SESTD1: variants seen among roughly 807,000 people sequenced by gnomAD.
SESTD1 encodes the protein SEC14 domain and spectrin repeat-containing protein 1.
In SESTD1, 43 loss-of-function variants were observed where a neutral mutation model predicts 101.7. That is an observed-to-expected ratio of 0.42 (90% confidence interval 0.33 to 0.55). SESTD1 has a LOEUF of 0.55. SESTD1 is among the 20% of genes least tolerant of loss of function. SESTD1 has a pLI of 0.07. For synonymous variants in SESTD1, 283 were observed against 286.8 expected, an observed-to-expected ratio of 0.99 and a Z score of 0.13; for missense variants, 647 against 815.1, an observed-to-expected ratio of 0.79 and a Z score of 2.51.
chr2:179,112,905 G>C, intron 16 of SESTD1, 60 bp from the exon 17 acceptor site: 2 of 1,526,632 alleles, frequency 1.3e-6, no homozygotes, highest in Non-Finnish European at 1.7e-6. Context: ...CAGTTTCAGA[G>C]GATCACCCCA....
At chr2:179,230,424 C>T (rs2105537493) in intron 1 of SESTD1, among the ~76,000 whole-genome samples, 1 of 152,178 alleles carries the variant, frequency 6.6e-6, no homozygotes, top group East Asian at 1.9e-4. Flanking sequence ...ACATGAGCCA[C>T]TGCACCCGGC....
chr2:179,186,944 G>A (rs2105491938), intron 2 of SESTD1, among the ~76,000 whole-genome samples: 1 of 152,190 alleles, frequency 6.6e-6, no homozygotes, highest in East Asian at 1.9e-4. Context: ...AACATTATAA[G>A]CCAAAAGAGA....
At chr2:179,247,833 A>G (rs1307440349) in intron 1 of SESTD1, among the ~76,000 whole-genome samples, 2 of 152,162 alleles carry the variant, frequency 1.3e-5, no homozygotes, top group East Asian at 1.9e-4. Context: ...AGAAATTTAC[A>G]CTACCTAAGA....
intron 1 of SESTD1, among the ~76,000 whole-genome samples, chr2:179,220,326 G>C (rs925026243): frequency 2.1e-4 from 32 of 152,000 alleles, no homozygotes; most frequent in African/African-American, 7.5e-4. Context: ...AAAATCTTTG[G>C]CTCTTCTTAA....
chr2:179,255,253 G>A (rs924874681), intron 1 of SESTD1, among the ~76,000 whole-genome samples: 6 of 152,172 alleles, frequency 3.9e-5, no homozygotes, highest in Non-Finnish European at 8.8e-5. Flanking sequence ...AGCTAGAAAT[G>A]ATTAAGCTTA....
At chr2:179,192,288 G>A (rs933925389) in intron 1 of SESTD1, among the ~76,000 whole-genome samples, 1 of 152,116 alleles carries the variant, frequency 6.6e-6, no homozygotes, top group Non-Finnish European at 1.5e-5. Context: ...ATCTTCCTTT[G>A]TGTTCCTTAT....
chr2:179,237,319 C>T (rs375915952), intron 1 of SESTD1, among the ~76,000 whole-genome samples: 3 of 152,036 alleles, frequency 2.0e-5, no homozygotes, highest in African/African-American at 7.2e-5. Context: ...TTTAATACCC[C>T]ATTCTCCTGG....
At chr2:179,169,392 C>T (rs2045891759) in intron 5 of SESTD1, among the ~76,000 whole-genome samples, 1 of 151,944 alleles carries the variant, frequency 6.6e-6, no homozygotes, top group Admixed American at 6.6e-5. Context: ...ACCAAGAAGA[C>T]ATAGCTATCC....
chr2:179,169,158 T>C (rs1054184336), intron 5 of SESTD1, among the ~76,000 whole-genome samples: 2 of 152,094 alleles, frequency 1.3e-5, no homozygotes, highest in Non-Finnish European at 2.9e-5. Context: ...AAGACAGAGA[T>C]TGTTAAACTG....
At chr2:179,156,103 T>A (rs1032652515) in intron 5 of SESTD1, among the ~76,000 whole-genome samples, 10 of 150,232 alleles carry the variant, frequency 6.7e-5, no homozygotes, top group African/African-American at 2.5e-4. Context: ...TATTCCATCA[T>A]ACGTGTATAT....
chr2:179,114,994 C>T (rs1181200085), intron 16 of SESTD1, 71 bp downstream of exon 16: 2 of 1,316,614 alleles, frequency 1.5e-6, no homozygotes, highest in Non-Finnish European at 2.1e-6. Flanking sequence ...AGTTACATTA[C>T]TAAAATTAAC....
At chr2:179,150,339 A>G (rs1018085995) in intron 6 of SESTD1, among the ~76,000 whole-genome samples, 5 of 152,096 alleles carry the variant, frequency 3.3e-5, no homozygotes, top group African/African-American at 1.2e-4. Flanking sequence ...TTGTTCTTTC[A>G]GTAGTTCAAT....
chr2:179,144,314 G>A (rs1433201747), intron 8 of SESTD1, among the ~76,000 whole-genome samples: 10 of 151,824 alleles, frequency 6.6e-5, no homozygotes, highest in Admixed American at 6.6e-4. Context: ...AAAGGTGACA[G>A]TATAATAAAT....
rs2044292491 is a variant in SESTD1 at position 179,102,476 on chromosome 2, T to C, written c.*7423A>G. On this transcript the variant is annotated 3_prime_UTR_variant, in exon 18 of 18. Coordinates refer to ENST00000428443, the MANE Select transcript of SESTD1 (RefSeq NM_178123.5). Reference sequence around the variant, plus strand: ...CAGAAATCAAACTTATTGTCCAAAGTGACAATATATCAAAGAAATACATAC... The same window carrying C: ...CAGAAATCAAACTTATTGTCCAAAGCGACAATATATCAAAGAAATACATAC... 1 of 152,064 alleles carries C rather than the reference T, an allele frequency of 6.6e-6. No individual in the cohort carries two copies. Among genetic ancestry groups the C allele is most frequent in the Non-Finnish European group, 1.5e-5 (1 of 68,018 alleles). 9.4% of individuals were successfully genotyped at this position (152,064 alleles called of 1,614,324 possible). A position where few individuals can be genotyped will look rare whatever the true frequency, so the allele number is the denominator to read the frequency against.
At position 179,203,589 on chromosome 2, in the gene SESTD1, T is replaced by C. The variant is rs1182537831; in HGVS notation, c.-25-11723A>G. Reference sequence around the variant, plus strand: ...TTCTATAGGCTGCTCCTGAGTTGTATCCTTTATAATAGTCCAGTAATCATA... The same window carrying C: ...TTCTATAGGCTGCTCCTGAGTTGTACCCTTTATAATAGTCCAGTAATCATA... On this transcript the variant is annotated intron_variant, in intron 1 of 17. Transcript: ENST00000428443. Among the ~76,000 whole-genome samples the C allele has an allele frequency of 4.5e-5, 6 of 134,794 alleles. 1 individual carries two copies. The highest frequency in any genetic ancestry group is 9.6e-5 in the Non-Finnish European group (6 of 62,824). The allele number at this position is 134,794 out of a possible 152,430, so 88.4% of individuals were successfully genotyped here. A position where few individuals can be genotyped will look rare whatever the true frequency, so the allele number is the denominator to read the frequency against.
chr2:179,228,486 G>A (rs1184970981), intron 1 of SESTD1, among the ~76,000 whole-genome samples: 1 of 152,166 alleles, frequency 6.6e-6, no homozygotes, highest in African/African-American at 2.4e-5. Flanking sequence ...TGGGAATGGG[G>A]TCTGTCTTTA....
At chr2:179,121,311 A>T (rs1303287202) in intron 13 of SESTD1, among the ~76,000 whole-genome samples, 1 of 152,244 alleles carries the variant, frequency 6.6e-6, no homozygotes, top group Non-Finnish European at 1.5e-5. Flanking sequence ...AAATGAAACT[A>T]AACATCACTA....
At chr2:179,146,715 T>C (rs2045403799) in intron 7 of SESTD1, among the ~76,000 whole-genome samples, 1 of 146,404 alleles carries the variant, frequency 6.8e-6, no homozygotes, top group East Asian at 1.9e-4. Flanking sequence ...TTAGTCATAA[T>C]ATTATTTCAA....
intron 8 of SESTD1, among the ~76,000 whole-genome samples, chr2:179,145,109 A>G (rs983830435): frequency 5.9e-5 from 9 of 152,144 alleles, no homozygotes; most frequent in Non-Finnish European, 1.2e-4. Flanking sequence ...ATTACATTTT[A>G]TAATTGGAAA....
Sources: gnomAD v4.1 joint callset for allele counts (sites outside exome capture counted in the v4.1 genomes callset) on GRCh38, gnomAD v4.1.1 for gene constraint, MANE v1.5 for transcripts, NCBI Gene and HGNC (gene_info 2026-07-23, HGNC 2026-07-21) for gene names.